DPF3: variants seen among roughly 807,000 people sequenced by gnomAD.
DPF3 encodes the protein double PHD fingers 3.
DPF3 carries 18 observed loss-of-function variants against 56.8 expected under a neutral mutation model. That is an observed-to-expected ratio of 0.32 (90% confidence interval 0.22 to 0.47). The LOEUF (loss-of-function observed/expected upper bound fraction) is 0.47. Among genes scored for constraint, DPF3 ranks in the 20% least tolerant of loss-of-function variants. The probability of loss-of-function intolerance (pLI) is 1.00; values close to 1 mark genes in which losing one functional copy is unlikely to be tolerated. For synonymous variants in DPF3, 188 were observed against 180.2 expected, an observed-to-expected ratio of 1.04 and a Z score of -0.35; for missense variants, 403 against 488.8, an observed-to-expected ratio of 0.82 and a Z score of 1.65.
chr14:72,670,105 A>T (rs955091467), intron 8 of DPF3: 1 of 982,394 alleles, frequency 1.0e-6, no homozygotes, highest in Non-Finnish European at 1.2e-6. Flanking sequence ...CAGGCACTAT[A>T]AAAAAAAATA....
intron 3 of DPF3, among the ~76,000 whole-genome samples, chr14:72,745,243 C>G (rs572364550): frequency 6.6e-6 from 1 of 152,084 alleles, no homozygotes; most frequent in African/African-American, 2.4e-5. Context: ...GGATTATATA[C>G]AATGTTGTAC....
rs1161433597 is a variant in DPF3 at position 72,787,304 on chromosome 14, T to C, written c.33-15411A>G. Among the ~76,000 whole-genome samples, 6 of 152,252 alleles carry C rather than the reference T, an allele frequency of 3.9e-5. No homozygotes were observed. In the East Asian group the frequency reaches 9.6e-4, roughly 24 times the overall value. On this transcript the variant is annotated intron_variant, in intron 1 of 10. Transcript: ENST00000556509. ...AAAAGCGGGTCTGCCCCTGTTAGGCTGATGTGGGAATCAAGAGACCTGGAT... is the reference window on the plus strand; with the variant it reads ...AAAAGCGGGTCTGCCCCTGTTAGGCCGATGTGGGAATCAAGAGACCTGGAT...
chr14:72,680,954 C>T (rs1222209755), intron 7 of DPF3, among the ~76,000 whole-genome samples: 1 of 152,210 alleles, frequency 6.6e-6, no homozygotes, highest in East Asian at 1.9e-4. Context: ...CCAAGTTTTC[C>T]ACACCCAGAG....
At chr14:72,752,385 A>G (rs1890615891) in intron 3 of DPF3, among the ~76,000 whole-genome samples, 1 of 152,260 alleles carries the variant, frequency 6.6e-6, no homozygotes, top group South Asian at 2.1e-4. Context: ...AGCATAGGCC[A>G]GGCATGGTGG....
intron 6 of DPF3, among the ~76,000 whole-genome samples, chr14:72,707,831 G>A (rs2153574921): frequency 6.7e-6 from 1 of 148,570 alleles, no homozygotes; most frequent in Non-Finnish European, 1.5e-5. Context: ...TTTTGAGACT[G>A]CGTTTTGCTC....
chr14:72,612,801 G>A lies in DPF3; in HGVS notation c.*6496C>T, dbSNP rs1364428540. On this transcript the variant is annotated 3_prime_UTR_variant, in exon 11 of 11. Transcript: ENST00000556509. ...TAGGTGAACGAAGGGAAGAGAAGGA[G>A]AGAGGTCGCGGAGCCAGTAGCTTTC... 6.6e-6 allele frequency among the ~76,000 whole-genome samples: 1 copy of A among 152,244 alleles called. No homozygotes were observed. Among genetic ancestry groups the A allele is most frequent in the Non-Finnish European group, 1.5e-5 (1 of 68,038 alleles).
chr14:72,699,600 T>C (rs960416380), intron 6 of DPF3, among the ~76,000 whole-genome samples: 3 of 148,540 alleles, frequency 2.0e-5, no homozygotes, highest in Admixed American at 6.7e-5. Flanking sequence ...AGGAACAGGG[T>C]TTCAAGACGA....
At chr14:72,845,878 G>T (rs920693255) in intron 1 of DPF3, among the ~76,000 whole-genome samples, 1 of 152,028 alleles carries the variant, frequency 6.6e-6, no homozygotes, top group Non-Finnish European at 1.5e-5. Context: ...AGAGGACACC[G>T]GCTCCCTGTA....
chr14:72,756,071 A>G (rs1890776504), intron 2 of DPF3, among the ~76,000 whole-genome samples: 1 of 152,030 alleles, frequency 6.6e-6, no homozygotes, highest in African/African-American at 2.4e-5. Context: ...CTGTCAGGGA[A>G]ATTAACCTTG....
At chr14:72,809,336 C>G (rs1882929914) in intron 1 of DPF3, among the ~76,000 whole-genome samples, 1 of 152,262 alleles carries the variant, frequency 6.6e-6, no homozygotes, top group South Asian at 2.1e-4. Flanking sequence ...TGGCCCTGGC[C>G]ACTGCCTGCC....
intron 3 of DPF3, among the ~76,000 whole-genome samples, chr14:72,736,759 A>G (rs1445635246): frequency 1.3e-5 from 2 of 152,154 alleles, no homozygotes; most frequent in Admixed American, 1.3e-4. Flanking sequence ...TGGATATAGG[A>G]TTTAATAATT....
intron 1 of DPF3, among the ~76,000 whole-genome samples, chr14:72,841,122 T>C (rs1336124448): frequency 6.7e-6 from 1 of 148,590 alleles, no homozygotes; most frequent in Non-Finnish European, 1.5e-5. Context: ...TGTGAAATAA[T>C]ATTTTTGCTG....
chr14:72,723,558 C>T, intron 5 of DPF3, 75 bp downstream of exon 5: 1 of 1,203,150 alleles, frequency 8.3e-7, no homozygotes, highest in Non-Finnish European at 1.2e-6. Flanking sequence ...CATCTAGCTG[C>T]AGTGGAGATC....
At chr14:72,666,366 T>G (rs1346283847) in intron 8 of DPF3, among the ~76,000 whole-genome samples, 1 of 152,230 alleles carries the variant, frequency 6.6e-6, no homozygotes, top group Non-Finnish European at 1.5e-5. Flanking sequence ...TTTTACAGAA[T>G]CAAATACCTC....
At chr14:72,732,407 C>T (rs1056712310) in intron 3 of DPF3, among the ~76,000 whole-genome samples, 3 of 152,208 alleles carry the variant, frequency 2.0e-5, no homozygotes, top group Non-Finnish European at 4.4e-5. Context: ...CCCTCCTATC[C>T]CAGCTCTTGT....
intron 8 of DPF3, among the ~76,000 whole-genome samples, chr14:72,653,093 T>C (rs1000374278): frequency 1.3e-5 from 2 of 152,210 alleles, no homozygotes; most frequent in African/African-American, 4.8e-5. Flanking sequence ...GGGAGTAACA[T>C]GCAATGGCAC....
intron 6 of DPF3, among the ~76,000 whole-genome samples, chr14:72,711,215 T>G (rs767201672): frequency 6.6e-6 from 1 of 152,230 alleles, no homozygotes; most frequent in Non-Finnish European, 1.5e-5. Context: ...GTGGGAATTA[T>G]GCAAATCACA....
chr14:72,620,549 G>A (rs1255206170), intron 9 of DPF3, among the ~76,000 whole-genome samples: 1 of 152,190 alleles, frequency 6.6e-6, no homozygotes, highest in Non-Finnish European at 1.5e-5. Flanking sequence ...CCGGGTGAGA[G>A]CAGGGCACCC....
At chr14:72,631,873 G>A (rs1042633067) in intron 8 of DPF3, among the ~76,000 whole-genome samples, 2 of 152,218 alleles carry the variant, frequency 1.3e-5, no homozygotes, top group African/African-American at 4.8e-5. Context: ...AGACTGAGAT[G>A]ACAAGGAAAC....
Sources: gnomAD v4.1 joint callset for allele counts (sites outside exome capture counted in the v4.1 genomes callset) on GRCh38, gnomAD v4.1.1 for gene constraint, MANE v1.5 for transcripts, NCBI Gene and HGNC (gene_info 2026-07-23, HGNC 2026-07-21) for gene names.